Variants in SPAG16 observed in about 807,000 individuals in gnomAD.
SPAG16 encodes the protein sperm associated antigen 16, also known as sperm-associated antigen 16 protein.
A neutral mutation model predicts 80.4 loss-of-function variants in SPAG16; 86 were observed. That is an observed-to-expected ratio of 1.07 (90% CI 0.90 to 1.28). The LOEUF is 1.28. Ranked by LOEUF, SPAG16 falls within the 50% of genes most tolerant of loss-of-function variation. The pLI is 0.00. For synonymous variants in SPAG16, 294 were observed against 265.9 expected, an observed-to-expected ratio of 1.11 and a Z score of -1.03; for missense variants, 870 against 765.3, an observed-to-expected ratio of 1.14 and a Z score of -1.61.
Position 213,862,644 on chromosome 2 carries a change from C to T in SPAG16, c.1214+16C>T, listed in dbSNP as rs540023887. On this transcript the variant is annotated intron_variant, in intron 11 of 15. Transcript: ENST00000331683. ...TCCATCCCAGGTCAGTGCACAGGAC[C>T]CCTAGAAATAGCCTAATCTCTCTAG... 74 of 1,613,256 alleles carry T rather than the reference C, an allele frequency of 4.6e-5. No homozygotes were observed. The highest frequency in any genetic ancestry group is 3.3e-4 in the Middle Eastern group (2 of 6,016).
chr2:213,626,221 A>C (rs911277791), intron 10 of SPAG16, among the ~76,000 whole-genome samples: 3 of 152,170 alleles, frequency 2.0e-5, no homozygotes, highest in African/African-American at 7.2e-5. Flanking sequence ...GATTATCATG[A>C]TAAGGAATCA....
At chr2:213,473,358 C>T (rs58245100) in intron 9 of SPAG16, among the ~76,000 whole-genome samples, 11,271 of 152,174 alleles carry the variant, frequency 0.074, 1,374 homozygotes, top group African/African-American at 0.25. Context: ...ATGAGAACTG[C>T]GGTTCCTACT....
intron 13 of SPAG16, among the ~76,000 whole-genome samples, chr2:214,082,630 G>A (rs557195412): frequency 2.6e-5 from 4 of 152,178 alleles, no homozygotes; most frequent in African/African-American, 9.6e-5. Flanking sequence ...TCTCAACTCT[G>A]GCTGCACATT....
Position 213,510,064 on chromosome 2 carries a change from T to G in SPAG16, c.1070+19974T>G, listed in dbSNP as rs184423260. ...CTCTACACAAATAAACTAGAAAATC[T>G]AGAAGAAATGGATAAATTCCTTGAG... On this transcript the variant is annotated intron_variant, in intron 10 of 15. Transcript: ENST00000331683. Among the ~76,000 whole-genome samples, 4 of 152,262 alleles carry G rather than the reference T, an allele frequency of 2.6e-5. No individual in the cohort carries two copies. In the East Asian group the frequency reaches 7.7e-4, roughly 29 times the overall value.
intron 15 of SPAG16, among the ~76,000 whole-genome samples, chr2:214,366,192 T>G (rs897815617): frequency 6.6e-6 from 1 of 152,134 alleles, no homozygotes. Flanking sequence ...TTAGCCAGGC[T>G]GGTCTCAAAC....
At chr2:213,388,916 C>T (rs1399268613) in intron 9 of SPAG16, among the ~76,000 whole-genome samples, 1 of 152,036 alleles carries the variant, frequency 6.6e-6, no homozygotes, top group African/African-American at 2.4e-5. Flanking sequence ...AACATAAAAA[C>T]CCATCCTAAG....
intron 9 of SPAG16, among the ~76,000 whole-genome samples, chr2:213,432,075 T>C (rs1276552091): frequency 1.3e-5 from 2 of 152,068 alleles, no homozygotes; most frequent in East Asian, 3.8e-4. Context: ...TATCAAAACC[T>C]TTGGGATACA....
At chr2:213,964,958 G>T (rs181719254) in intron 12 of SPAG16, among the ~76,000 whole-genome samples, 2 of 152,216 alleles carry the variant, frequency 1.3e-5, no homozygotes, top group African/African-American at 4.8e-5. Context: ...GCAGTCTTTG[G>T]CTGATAAGTA....
chr2:213,661,418 T>A (rs187512354), intron 10 of SPAG16, among the ~76,000 whole-genome samples: 2 of 152,340 alleles, frequency 1.3e-5, no homozygotes, highest in Admixed American at 1.3e-4. Context: ...ACATTCACAT[T>A]TAATTTGATA....
At chr2:214,235,916 C>T (rs1354000032) in intron 15 of SPAG16, among the ~76,000 whole-genome samples, 1 of 152,122 alleles carries the variant, frequency 6.6e-6, no homozygotes, top group African/African-American at 2.4e-5. Flanking sequence ...TTGTGTCTAT[C>T]TCTTAGCTTA....
intron 15 of SPAG16, among the ~76,000 whole-genome samples, chr2:214,315,421 A>T (rs562835303): frequency 6.6e-6 from 1 of 152,180 alleles, no homozygotes; most frequent in African/African-American, 2.4e-5. Flanking sequence ...GAGAAATTTC[A>T]TCTTGAATAT....
chr2:213,661,887 T>A (rs536552554), intron 10 of SPAG16, among the ~76,000 whole-genome samples: 1 of 152,314 alleles, frequency 6.6e-6, no homozygotes, highest in East Asian at 1.9e-4. Context: ...AGAACCTGGT[T>A]TCTATAGAAG....
At chr2:214,080,501 G>C (rs1169941829) in intron 13 of SPAG16, among the ~76,000 whole-genome samples, 7 of 150,176 alleles carry the variant, frequency 4.7e-5, no homozygotes, top group Admixed American at 1.3e-4. Context: ...CCAGCTACTC[G>C]GGAGGCTGAG....
chr2:213,501,714 A>G (rs1356504089), intron 10 of SPAG16, among the ~76,000 whole-genome samples: 1 of 152,188 alleles, frequency 6.6e-6, no homozygotes, highest in East Asian at 1.9e-4. Flanking sequence ...ACAATAGAGT[A>G]TACTTTTCCT....
chr2:213,774,805 C>T (rs998008334), intron 10 of SPAG16, among the ~76,000 whole-genome samples: 1 of 152,210 alleles, frequency 6.6e-6, no homozygotes, highest in African/African-American at 2.4e-5. Context: ...TATATTTTAT[C>T]TGGACCTAAT....
In SPAG16 at chr2:213,375,056, G is replaced by C. The variant is rs754905254; in HGVS notation, c.879G>C (p.Gln293His). 6.2e-7 allele frequency: 1 copy of C among 1,611,110 alleles called. No homozygotes were observed. The highest frequency in any genetic ancestry group is 2.2e-5 in the East Asian group (1 of 44,786). The change falls in exon 9 of 16, where the codon CAG (glutamine) becomes CAC (histidine). Residue 293 changes from glutamine to histidine, a missense_variant. Transcript: ENST00000331683. ...EKENAPEGPT[Q>H]KGLREAREQN... ...AAAATGCACCAGAAGGTCCTACTCA[G>C]AAAGGTCTTCGTGAAGCCAGGGAAC... is the stretch of plus-strand genomic sequence containing the variant.
intron 15 of SPAG16, among the ~76,000 whole-genome samples, chr2:214,381,358 T>C (rs2126108379): frequency 6.6e-6 from 1 of 152,334 alleles, no homozygotes; most frequent in Middle Eastern, 3.4e-3. Flanking sequence ...AGAGCAATGA[T>C]ACCTTTCCAT....
At position 214,123,103 on chromosome 2, in the gene SPAG16, T is replaced by C. The variant is rs577095295; in HGVS notation, c.1593+14842T>C. 2.6e-5 allele frequency among the ~76,000 whole-genome samples: 4 copies of C among 151,982 alleles called. No homozygotes were observed. The South Asian group carries it at 6.2e-4, about 24-fold the overall frequency. The stretch of plus-strand genomic sequence containing the variant: ...AAAAAGTAAAGCAAAAGAAAAGCAT[T>C]TGTATAAGCAGCCATTAAAAAAATT... On this transcript the variant is annotated intron_variant, in intron 14 of 15. Transcript: ENST00000331683.
chr2:213,692,758 C>T (rs2064997114), intron 10 of SPAG16, among the ~76,000 whole-genome samples: 1 of 149,254 alleles, frequency 6.7e-6, no homozygotes, highest in Non-Finnish European at 1.5e-5. Context: ...TGCAGTGAGC[C>T]GAGGTCACGC....
Sources: allele counts gnomAD v4.1 joint callset (sites outside exome capture counted in the v4.1 genomes callset), GRCh38; gene constraint gnomAD v4.1.1; transcripts MANE v1.5; gene names NCBI Gene and HGNC (gene_info 2026-07-23, HGNC 2026-07-21).